The following NFILZ variants were observed in gnomAD, a reference collection of about 807,000 sequenced individuals.
NFILZ encodes NFIL3 like basic leucine zipper, also known as NFIL3 like protein.
chr19:8,675,146 A>T (rs115879113), intron 4 of NFILZ, among the ~76,000 whole-genome samples: 32 of 152,350 alleles, frequency 2.1e-4, no homozygotes, highest in African/African-American at 7.7e-4. Context: ...CAAAAAAGAC[A>T]TACATATGCC....
chr19:8,630,924 A>G lies in NFILZ; in HGVS notation c.-411+180A>G, dbSNP rs1215534919. Reference sequence around the variant, plus strand: ...TCCATCTCCCTTCTGGGATCTCATGATTGCCTTTAATTGGGGCCTTGGATG... The same window carrying G: ...TCCATCTCCCTTCTGGGATCTCATGGTTGCCTTTAATTGGGGCCTTGGATG... On this transcript the variant is annotated intron_variant, in intron 1 of 5. Transcript: ENST00000691075. 2.6e-5 allele frequency among the ~76,000 whole-genome samples: 4 copies of G among 152,024 alleles called. No homozygotes were observed. In the East Asian group the frequency reaches 7.7e-4, roughly 29 times the overall value.
At chr19:8,654,908 G>A (rs1555748170) in intron 3 of NFILZ, among the ~76,000 whole-genome samples, 1 of 152,082 alleles carries the variant, frequency 6.6e-6, no homozygotes. Flanking sequence ...AGTCAACCCC[G>A]CAGCCACTTG....
intron 1 of NFILZ, among the ~76,000 whole-genome samples, chr19:8,631,265 G>A (rs969858162): frequency 2.0e-5 from 3 of 152,082 alleles, no homozygotes; most frequent in Admixed American, 6.6e-5. Context: ...CCCAGGACCC[G>A]GGCACTGAGA....
At chr19:8,643,462 A>G (rs1275884199) in intron 3 of NFILZ, among the ~76,000 whole-genome samples, 1 of 152,176 alleles carries the variant, frequency 6.6e-6, no homozygotes, top group Admixed American at 6.5e-5. Flanking sequence ...TTCTGAGTGT[A>G]TCTGGGAGGG....
intron 3 of NFILZ, among the ~76,000 whole-genome samples, chr19:8,670,071 T>C (rs1441776249): frequency 6.6e-6 from 1 of 151,582 alleles, no homozygotes; most frequent in Non-Finnish European, 1.5e-5. Context: ...GAAAACTTTT[T>C]GGACCATGAG....
At chr19:8,647,795 GCACACACACACACA>G (rs879996864) in intron 3 of NFILZ, among the ~76,000 whole-genome samples, 4 of 76,332 alleles carry the variant, frequency 5.2e-5, no homozygotes, top group East Asian at 4.5e-4. Context: ...GCGCGCGCGC[GCACACACACACACA>G]CACACACACA....
In NFILZ at chr19:8,663,750, G is replaced by GTATGTGTGTGTATGTGTGTA. The variant is rs1403759520; in HGVS notation, c.-163-10800_-163-10799insATGTGTGTGTATGTGTGTAT. Among the ~76,000 whole-genome samples the GTATGTGTGTGTATGTGTGTA allele has an allele frequency of 5.1e-3, 700 of 137,054 alleles. 15 individuals are homozygous for GTATGTGTGTGTATGTGTGTA. The highest frequency in any genetic ancestry group is 0.018 in the African/African-American group (652 of 36,518). The allele number at this position is 137,054 out of a possible 152,430, so 89.9% of individuals were successfully genotyped here. A position where few individuals can be genotyped will look rare whatever the true frequency, so the allele number is the denominator to read the frequency against. On this transcript the variant is annotated intron_variant, in intron 3 of 5. Coordinates refer to ENST00000691075, the MANE Select transcript of NFILZ (RefSeq NM_001378600.1). Reference sequence around the variant, plus strand: ...TGTGTGTGTGTGTGTGTGTGTGTGTGTGTGTGTGTGTGTGTGTGTGTATGT... The same window carrying GTATGTGTGTGTATGTGTGTA: ...TGTGTGTGTGTGTGTGTGTGTGTGTGTATGTGTGTGTATGTGTGTATGTGTGTGTGTGTGTGTGTGTATGT...
At chr19:8,676,484 G>A (rs529114398) in intron 5 of NFILZ, among the ~76,000 whole-genome samples, 28 bp downstream of exon 5, 201 of 152,318 alleles carry the variant, frequency 1.3e-3, no homozygotes, top group African/African-American at 4.6e-3. Flanking sequence ...GGAAGAGCAT[G>A]TGTCCTTCTG....
chr19:8,636,392 G>C (rs2042894607), intron 3 of NFILZ, among the ~76,000 whole-genome samples: 1 of 148,756 alleles, frequency 6.7e-6, no homozygotes, highest in African/African-American at 2.5e-5. Flanking sequence ...AGGTTGCAGT[G>C]AGCCGAGATT....
At chr19:8,640,807 C>T (rs2042915994) in intron 3 of NFILZ, among the ~76,000 whole-genome samples, 1 of 152,180 alleles carries the variant, frequency 6.6e-6, no homozygotes, top group African/African-American at 2.4e-5. Context: ...GCAACAGCAC[C>T]TTGCAAGGGG....
At chr19:8,660,326 G>A (rs1423732468) in intron 3 of NFILZ, among the ~76,000 whole-genome samples, 1 of 151,780 alleles carries the variant, frequency 6.6e-6, no homozygotes, top group Non-Finnish European at 1.5e-5. Context: ...CTGTGTGTCA[G>A]GTGCTGTTTT....
chr19:8,660,264 T>C (rs782765044), intron 3 of NFILZ, among the ~76,000 whole-genome samples: 29 of 151,992 alleles, frequency 1.9e-4, no homozygotes, highest in Non-Finnish European at 4.0e-4. Flanking sequence ...TTGTGAGAAT[T>C]AAACAACATT....
At chr19:8,675,962 A>G (rs1555750666) in intron 4 of NFILZ, among the ~76,000 whole-genome samples, 1 of 152,188 alleles carries the variant, frequency 6.6e-6, no homozygotes, top group Non-Finnish European at 1.5e-5. Context: ...TAAAGGCACA[A>G]TGTGATTTAA....
chr19:8,642,387 A>G (rs1292887835), intron 3 of NFILZ, among the ~76,000 whole-genome samples: 12 of 152,186 alleles, frequency 7.9e-5, no homozygotes, highest in Admixed American at 7.2e-4. Context: ...GTGTTTACAC[A>G]TTGTATCTGT....
chr19:8,675,123 T>C (rs1600156943), intron 4 of NFILZ, among the ~76,000 whole-genome samples: 1 of 152,198 alleles, frequency 6.6e-6, no homozygotes, highest in South Asian at 2.1e-4. Context: ...GTACCAGGGA[T>C]ACAAGAGTAG....
At chr19:8,649,147 G>T (rs114030067) in intron 3 of NFILZ, among the ~76,000 whole-genome samples, 1,590 of 150,826 alleles carry the variant, frequency 0.011, 29 homozygotes, top group African/African-American at 0.037. Context: ...ATTTTTTTTT[G>T]GAGAGATGGG....
At position 8,679,168 on chromosome 19, in the gene NFILZ, A is replaced by C. The variant is rs2043133162; in HGVS notation, c.*1533A>C. Among the ~76,000 whole-genome samples, 1 of 152,076 alleles carries C rather than the reference A, an allele frequency of 6.6e-6. No homozygotes were observed. Among genetic ancestry groups the C allele is most frequent in the Non-Finnish European group, 1.5e-5 (1 of 68,006 alleles). ...CTGAGAACCAGGTATACACCCACCCAGGTGGAAGGGTCCATTCTGCAGGGA... is the reference window on the plus strand; with the variant it reads ...CTGAGAACCAGGTATACACCCACCCCGGTGGAAGGGTCCATTCTGCAGGGA... On this transcript the variant is annotated 3_prime_UTR_variant, in exon 6 of 6. Transcript: ENST00000691075.
Position 8,631,557 on chromosome 19 carries a change from C to T in NFILZ, c.-411+813C>T, listed in dbSNP as rs1214302601. Among the ~76,000 whole-genome samples the T allele has an allele frequency of 2.0e-5, 3 of 152,182 alleles. No individual in the cohort carries two copies. The East Asian group carries it at 5.8e-4, about 29-fold the overall frequency. ...CCCAGGGATTAGCTCAGTAGACAAA[C>T]ATCTGAGTCTTGGCCCCCTCTTCCC... On this transcript the variant is annotated intron_variant, in intron 1 of 5. Coordinates refer to ENST00000691075, the MANE Select transcript of NFILZ (RefSeq NM_001378600.1).
At chr19:8,661,616 G>A (rs782346993) in intron 3 of NFILZ, among the ~76,000 whole-genome samples, 1 of 152,162 alleles carries the variant, frequency 6.6e-6, no homozygotes, top group Non-Finnish European at 1.5e-5. Flanking sequence ...AGAAACCAGG[G>A]CACAGTGGCT....
Sources: allele counts gnomAD v4.1 joint callset (sites outside exome capture counted in the v4.1 genomes callset), GRCh38; gene constraint gnomAD v4.1.1; transcripts MANE v1.5; gene names NCBI Gene and HGNC (gene_info 2026-07-23, HGNC 2026-07-21).